Variants in DDX60 observed in about 807,000 individuals in gnomAD.
DDX60 encodes probable ATP-dependent RNA helicase DDX60.
A neutral mutation model predicts 212.8 loss-of-function variants in DDX60; 165 were observed. That is an observed-to-expected ratio of 0.78 (90% confidence interval 0.68 to 0.88). The LOEUF (loss-of-function observed/expected upper bound fraction) is 0.88, where lower values mean the gene tolerates loss of function less well. Among genes scored for constraint, DDX60 ranks in the 40% least tolerant of loss-of-function variants. DDX60 has a pLI of 0.00. For synonymous variants in DDX60, 703 were observed against 685.3 expected, an observed-to-expected ratio of 1.03 and a Z score of -0.40; for missense variants, 1,905 against 2,003.9, an observed-to-expected ratio of 0.95 and a Z score of 0.94.
intron 11 of DDX60, among the ~76,000 whole-genome samples, 167 bp downstream of exon 11, chr4:168,285,226 T>C (rs531791226): frequency 1.2e-4 from 19 of 152,350 alleles, no homozygotes; most frequent in African/African-American, 3.8e-4. Context: ...GATTTTTACA[T>C]AGTAATGGCC....
intron 35 of DDX60, among the ~76,000 whole-genome samples, chr4:168,222,809 G>T (rs549900335): frequency 6.6e-6 from 1 of 151,844 alleles, no homozygotes; most frequent in Non-Finnish European, 1.5e-5. Flanking sequence ...TTGCACATAC[G>T]CACGAGACAT....
Position 168,283,617 on chromosome 4 carries a change from A to C in DDX60, c.1562-11T>G. On this transcript the variant is annotated splice_polypyrimidine_tract_variant and intron_variant, in intron 12 of 37. Transcript: ENST00000393743. Reference sequence around the variant, plus strand: ...GGTCTCTAGATTTTTCTGAAAAAGAAAAGACTTAAAATGTAACTTTATTGT... The same window carrying C: ...GGTCTCTAGATTTTTCTGAAAAAGACAAGACTTAAAATGTAACTTTATTGT... The C allele has an allele frequency of 6.3e-7, 1 of 1,583,658 alleles. No individual in the cohort carries two copies.
intron 6 of DDX60, among the ~76,000 whole-genome samples, chr4:168,297,392 G>GAA (rs1736448382): frequency 9.2e-6 from 1 of 109,052 alleles, no homozygotes; most frequent in African/African-American, 4.2e-5. Context: ...GAGAAAGAAA[G>GAA]AAAGAAAGAA....
intron 3 of DDX60, among the ~76,000 whole-genome samples, 189 bp from the exon 4 acceptor site, chr4:168,308,384 G>A (rs183516486): frequency 1.4e-4 from 22 of 152,212 alleles, no homozygotes; most frequent in African/African-American, 4.8e-4. Context: ...GGAGGAAGGC[G>A]GGATTATTCA....
At chr4:168,294,455 G>A (rs2149537772) in intron 6 of DDX60, among the ~76,000 whole-genome samples, 1 of 152,024 alleles carries the variant, frequency 6.6e-6, no homozygotes, top group East Asian at 1.9e-4. Flanking sequence ...AATGAAAGAG[G>A]CAGTCCACAG....
intron 25 of DDX60, among the ~76,000 whole-genome samples, chr4:168,259,748 CTAT>C (rs2149510673): frequency 6.6e-6 from 1 of 150,658 alleles, no homozygotes; most frequent in African/African-American, 2.4e-5. Context: ...CGAAATTGCA[CTAT>C]TTTGTTCAAT....
intron 30 of DDX60, among the ~76,000 whole-genome samples, chr4:168,242,078 C>T (rs1560821803): frequency 1.3e-5 from 2 of 152,186 alleles, no homozygotes; most frequent in African/African-American, 4.8e-5. Context: ...GCAGCTTACA[C>T]GTGGTGTTGA....
At chr4:168,297,157 C>T (rs1269373324) in intron 6 of DDX60, among the ~76,000 whole-genome samples, 2 of 151,800 alleles carry the variant, frequency 1.3e-5, no homozygotes, top group African/African-American at 2.4e-5. Context: ...GATTCACCTA[C>T]CTTGGCCTCC....
Position 168,311,283 on chromosome 4 carries a change from A to G in DDX60, c.-24T>C. 6.2e-7 allele frequency: 1 copy of G among 1,612,420 alleles called. No individual in the cohort carries two copies. Among genetic ancestry groups the G allele is most frequent in the Non-Finnish European group, 8.5e-7 (1 of 1,179,266 alleles). On this transcript the variant is annotated 5_prime_UTR_variant, in exon 2 of 38. Transcript: ENST00000393743. ...ATTCTTGCTGCTGCCTGTGCCTCCA[A>G]CCTGAACTGGCAAGTATTAAAGGTA...
chr4:168,225,734 T>A, intron 33 of DDX60, 58 bp from the exon 34 acceptor site: 1 of 1,509,846 alleles, frequency 6.6e-7, no homozygotes, highest in African/African-American at 1.4e-5. Context: ...CAAAACTGAA[T>A]CGTTGGAAGA....
At chr4:168,317,319 T>C (rs1737438636) in intron 1 of DDX60, among the ~76,000 whole-genome samples, 1 of 151,900 alleles carries the variant, frequency 6.6e-6, no homozygotes, top group African/African-American at 2.4e-5. Context: ...TGCAAGAACC[T>C]TATAAGGCTT....
At chr4:168,290,647 C>A (rs192803308) in intron 8 of DDX60, among the ~76,000 whole-genome samples, 9 of 152,182 alleles carry the variant, frequency 5.9e-5, no homozygotes, top group Admixed American at 5.2e-4. Flanking sequence ...TGAGCCACCG[C>A]GGCCGGCCTG....
chr4:168,258,445 T>C (rs1310952550), intron 25 of DDX60, among the ~76,000 whole-genome samples: 3 of 152,258 alleles, frequency 2.0e-5, no homozygotes, highest in African/African-American at 7.2e-5. Context: ...TGTATTTTTT[T>C]TTTAAGAGAT....
chr4:168,297,326 GAAA>G, intron 6 of DDX60, among the ~76,000 whole-genome samples: 2 of 65,578 alleles, frequency 3.0e-5, no homozygotes, highest in Non-Finnish European at 5.1e-5. Flanking sequence ...AAGAAAGAAA[GAAA>G]GAAAGAAAGA....
chr4:168,277,418 T>C (rs1735388405), intron 14 of DDX60, among the ~76,000 whole-genome samples: 1 of 152,236 alleles, frequency 6.6e-6, no homozygotes, highest in Non-Finnish European at 1.5e-5. Flanking sequence ...AAGGTGCTTA[T>C]GGATGTGCTA....
Position 168,267,239 on chromosome 4 carries a change from A to G in DDX60, c.3039+343T>C, listed in dbSNP as rs921004637. On this transcript the variant is annotated intron_variant, in intron 22 of 37. Transcript: ENST00000393743. The stretch of plus-strand genomic sequence containing the variant: ...TGTCTACATATAATTGTATGGCTGC[A>G]CTATGAGAAGAATTAGTGTCAGAGG... Among the ~76,000 whole-genome samples the G allele has an allele frequency of 3.9e-5, 6 of 152,198 alleles. No individual in the cohort carries two copies. The East Asian group carries it at 1.2e-3, about 29-fold the overall frequency.
intron 6 of DDX60, among the ~76,000 whole-genome samples, chr4:168,300,215 C>T (rs771607810): frequency 1.3e-5 from 2 of 151,930 alleles, no homozygotes; most frequent in Non-Finnish European, 2.9e-5. Flanking sequence ...TTTTAGTAAA[C>T]ATTCATGCAT....
intron 1 of DDX60, among the ~76,000 whole-genome samples, chr4:168,313,705 G>A (rs984112115): frequency 4.6e-5 from 7 of 152,168 alleles, no homozygotes; most frequent in African/African-American, 1.4e-4. Context: ...AGATGTTCAC[G>A]ATGCTCTTAG....
Position 168,291,797 on chromosome 4 carries a change from C to G in DDX60, c.992G>C (p.Arg331Thr), listed in dbSNP as rs958034255. Reference sequence around the variant, plus strand: ...CTCAGCCCAATGGGAAGTGATGACTCTAGCACAAGCTCTTTGAGAAAGAGG... The same window carrying G: ...CTCAGCCCAATGGGAAGTGATGACTGTAGCACAAGCTCTTTGAGAAAGAGG... ...HLPLSQRACA[R>T]VITSHWAEDM... The change falls in exon 8 of 38, where the codon AGA (arginine) becomes ACA (threonine). Residue 331 changes from arginine (R) to threonine (T), a missense_variant. Physicochemically the swap from Arg to Thr is moderately conservative, Grantham distance 71. Transcript: ENST00000393743. The G allele has an allele frequency of 6.2e-7, 1 of 1,613,610 alleles. No homozygotes were observed. Among genetic ancestry groups the G allele is most frequent in the Non-Finnish European group, 8.5e-7 (1 of 1,179,744 alleles).
Sources: gnomAD v4.1 joint callset for allele counts (sites outside exome capture counted in the v4.1 genomes callset) on GRCh38, gnomAD v4.1.1 for gene constraint, MANE v1.5 for transcripts, NCBI Gene and HGNC (gene_info 2026-07-23, HGNC 2026-07-21) for gene names.